TENM4: variants seen among roughly 807,000 people sequenced by gnomAD.
TENM4 encodes the protein teneurin transmembrane protein 4, also known as teneurin-4.
A neutral mutation model predicts 243.3 loss-of-function variants in TENM4; 82 were observed. The ratio of observed to expected loss-of-function variants is 0.34; its 90% CI spans 0.28 to 0.40. The LOEUF (loss-of-function observed/expected upper bound fraction) is 0.40, where lower values mean the gene tolerates loss of function less well. TENM4 is among the 10% of genes least tolerant of loss of function. The pLI, the probability that TENM4 is intolerant of heterozygous loss-of-function variation, is 1.00. For synonymous variants in TENM4, 1,412 were observed against 1,456.3 expected, an observed-to-expected ratio of 0.97 and a Z score of 0.69; for missense variants, 3,138 against 3,673.3, an observed-to-expected ratio of 0.85 and a Z score of 3.77.
chr11:78,848,085 T>C (rs1858444095), intron 12 of TENM4, among the ~76,000 whole-genome samples: 1 of 115,778 alleles, frequency 8.6e-6, no homozygotes, highest in Non-Finnish European at 1.8e-5. Context: ...GGAAAGCAAA[T>C]GAAAAACACC....
At chr11:78,769,246 G>A (rs766315079) in intron 18 of TENM4, among the ~76,000 whole-genome samples, 21 of 152,302 alleles carry the variant, frequency 1.4e-4, no homozygotes, top group Non-Finnish European at 1.3e-4. Context: ...TCTTTCCTAC[G>A]AAGAGCAAAT....
intron 1 of TENM4, among the ~76,000 whole-genome samples, chr11:79,387,217 T>G (rs956758788): frequency 6.6e-6 from 1 of 152,212 alleles, no homozygotes; most frequent in Non-Finnish European, 1.5e-5. Context: ...TATAGTATTC[T>G]AAGTCTGGAT....
intron 1 of TENM4, among the ~76,000 whole-genome samples, chr11:79,388,905 C>A (rs1161461321): frequency 6.6e-6 from 1 of 152,094 alleles, no homozygotes; most frequent in Non-Finnish European, 1.5e-5. Context: ...GTGTGCATTC[C>A]CAGAGGGAAC....
chr11:79,039,232 G>A (rs1859458802), intron 6 of TENM4, among the ~76,000 whole-genome samples: 1 of 152,194 alleles, frequency 6.6e-6, no homozygotes, highest in Middle Eastern at 3.2e-3. Context: ...TTTGTGATTT[G>A]CAGCATCTGT....
intron 6 of TENM4, among the ~76,000 whole-genome samples, chr11:79,037,651 C>T (rs1235213678): frequency 6.6e-6 from 1 of 152,116 alleles, no homozygotes. Context: ...ATTTTCTTTG[C>T]TGATGTGTAA....
At chr11:79,051,685 C>T (rs1204520848) in intron 6 of TENM4, among the ~76,000 whole-genome samples, 1 of 152,124 alleles carries the variant, frequency 6.6e-6, no homozygotes, top group East Asian at 1.9e-4. Flanking sequence ...CTTTTAAGTT[C>T]AGGGGTATAT....
intron 6 of TENM4, among the ~76,000 whole-genome samples, chr11:78,923,531 GTTTTTA>G (rs775401993): frequency 1.3e-4 from 19 of 151,810 alleles, no homozygotes; most frequent in Non-Finnish European, 2.4e-4. Flanking sequence ...ATTGTTATTT[GTTTTTA>G]TTTTTATTTT....
chr11:79,115,260 C>T (rs1009227540), intron 4 of TENM4, among the ~76,000 whole-genome samples: 1 of 152,086 alleles, frequency 6.6e-6, no homozygotes, highest in African/African-American at 2.4e-5. Context: ...TTGGTGGGAC[C>T]ATAAATAAGA....
chr11:79,261,209 C>T (rs566875981), intron 2 of TENM4, among the ~76,000 whole-genome samples: 1 of 152,136 alleles, frequency 6.6e-6, no homozygotes, highest in Non-Finnish European at 1.5e-5. Context: ...ACCCCCTGAC[C>T]CTGGGTCCAG....
intron 6 of TENM4, among the ~76,000 whole-genome samples, chr11:78,949,330 C>G (rs796624873): frequency 7.9e-5 from 12 of 152,274 alleles, no homozygotes; most frequent in African/African-American, 2.9e-4. Flanking sequence ...ACTCTAGGGA[C>G]CAGCTCAGTA....
At chr11:78,820,277 TTAGA>T (rs892175943) in intron 12 of TENM4, among the ~76,000 whole-genome samples, 11 of 152,192 alleles carry the variant, frequency 7.2e-5, no homozygotes, top group East Asian at 3.8e-4. Context: ...TTTTACAGTC[TTAGA>T]TAGAGAATGG....
In TENM4 at chr11:79,191,769, C is replaced by T. The variant is rs184166773; in HGVS notation, c.-163+24039G>A. On this transcript the variant is annotated intron_variant, in intron 3 of 33. Transcript: ENST00000278550. ...ATCTGGGATGTGAGGAGCGCCTCGT[C>T]CCGGCCGCGACCCCGTCTGGGAGGT... The T allele has an allele frequency of 5.0e-3, 964 of 191,898 alleles. 7 individuals carry two copies. Among genetic ancestry groups the T allele is most frequent in the African/African-American group, 0.022 (919 of 41,786 alleles). 11.9% of individuals were successfully genotyped at this position (191,898 alleles called of 1,614,324 possible). A position where few individuals can be genotyped will look rare whatever the true frequency, so the allele number is the denominator to read the frequency against.
chr11:78,991,947 T>C (rs1383013902), intron 6 of TENM4, among the ~76,000 whole-genome samples: 1 of 152,182 alleles, frequency 6.6e-6, no homozygotes, highest in African/African-American at 2.4e-5. Flanking sequence ...GAGAAAATAG[T>C]TGTGTTTGAT....
chr11:78,957,533 C>CA (rs1296665448), intron 6 of TENM4, among the ~76,000 whole-genome samples: 1 of 152,182 alleles, frequency 6.6e-6, no homozygotes, highest in Non-Finnish European at 1.5e-5. Flanking sequence ...AAGGAGCTTA[C>CA]AAACATGGCA....
chr11:78,860,173 T>A (rs1858782016), intron 10 of TENM4, among the ~76,000 whole-genome samples: 1 of 152,234 alleles, frequency 6.6e-6, no homozygotes, highest in Admixed American at 6.5e-5. Context: ...AGGGAGAGAA[T>A]GTTAATTAGT....
At chr11:79,202,474 A>G (rs1054847696) in intron 3 of TENM4, among the ~76,000 whole-genome samples, 3 of 152,230 alleles carry the variant, frequency 2.0e-5, no homozygotes, top group Admixed American at 6.5e-5. Flanking sequence ...CAAAGAAAGG[A>G]AGGAAAAGAA....
intron 14 of TENM4, among the ~76,000 whole-genome samples, chr11:78,809,076 T>C (rs1857444233): frequency 6.6e-6 from 1 of 152,182 alleles, no homozygotes; most frequent in African/African-American, 2.4e-5. Flanking sequence ...GTCGAACCTA[T>C]AAATCCCCAT....
intron 4 of TENM4, among the ~76,000 whole-genome samples, chr11:79,128,895 G>T (rs1410849376): frequency 6.6e-6 from 1 of 152,178 alleles, no homozygotes; most frequent in Non-Finnish European, 1.5e-5. Flanking sequence ...GGACTCAAAT[G>T]GACAGAGCAG....
At chr11:79,069,172 C>T (rs574381334) in intron 5 of TENM4, among the ~76,000 whole-genome samples, 1 of 152,278 alleles carries the variant, frequency 6.6e-6, no homozygotes, top group South Asian at 2.1e-4. Flanking sequence ...GAATATCCTA[C>T]AAATTACTAA....
Sources: allele counts gnomAD v4.1 joint callset (sites outside exome capture counted in the v4.1 genomes callset), GRCh38; gene constraint gnomAD v4.1.1; transcripts MANE v1.5; gene names NCBI Gene and HGNC (gene_info 2026-07-23, HGNC 2026-07-21).